SLC8A3: variants seen among roughly 807,000 people sequenced by gnomAD.
The protein encoded by SLC8A3 is solute carrier family 8 member A3.
In SLC8A3, 37 loss-of-function variants were observed where a neutral mutation model predicts 65.4. The observed-to-expected ratio is 0.57, with a 90% CI of 0.44 to 0.74. The LOEUF is 0.74. SLC8A3 is among the 30% of genes least tolerant of loss of function. The pLI is 0.00. For synonymous variants in SLC8A3, 461 were observed against 444.5 expected, an observed-to-expected ratio of 1.04 and a Z score of -0.47; for missense variants, 1,112 against 1,172.1, an observed-to-expected ratio of 0.95 and a Z score of 0.75.
At chr14:70,097,283 C>T (rs1892244702) in intron 2 of SLC8A3, among the ~76,000 whole-genome samples, 1 of 48,494 alleles carries the variant, frequency 2.1e-5, no homozygotes, top group African/African-American at 4.8e-5. Context: ...AAGCATTTTC[C>T]TTTAAAAAAA....
intron 2 of SLC8A3, among the ~76,000 whole-genome samples, chr14:70,090,575 T>C (rs1382089406): frequency 1.3e-5 from 2 of 152,220 alleles, no homozygotes; most frequent in East Asian, 1.9e-4. Flanking sequence ...TTCATGAATC[T>C]AATCATATTC....
At chr14:70,126,570 T>TCTCTCTCTCTCA (rs1385909771) in intron 2 of SLC8A3, among the ~76,000 whole-genome samples, 85 of 117,104 alleles carry the variant, frequency 7.3e-4, no homozygotes, top group South Asian at 2.1e-3. Flanking sequence ...TCTCTCTCTC[T>TCTCTCTCTCTCA]CACACACACA....
intron 2 of SLC8A3, among the ~76,000 whole-genome samples, chr14:70,065,891 C>T (rs1308195791): frequency 2.6e-5 from 4 of 152,086 alleles, no homozygotes; most frequent in African/African-American, 7.2e-5. Context: ...TATGATAAAT[C>T]CTAAATGGGC....
intron 2 of SLC8A3, among the ~76,000 whole-genome samples, chr14:70,082,284 TG>T (rs139954415): frequency 6.6e-6 from 1 of 152,088 alleles, no homozygotes; most frequent in Non-Finnish European, 1.5e-5. Flanking sequence ...AATAATTTCT[TG>T]GGGGGGTGAC....
chr14:70,053,553 C>G (rs906139188), intron 3 of SLC8A3, among the ~76,000 whole-genome samples: 3 of 152,222 alleles, frequency 2.0e-5, no homozygotes, highest in Non-Finnish European at 4.4e-5. Context: ...TCCCCCATGT[C>G]ATACTTTACA....
At chr14:70,187,626 TG>T (rs1566843441) in intron 1 of SLC8A3, among the ~76,000 whole-genome samples, 10 of 131,982 alleles carry the variant, frequency 7.6e-5, no homozygotes, top group African/African-American at 1.3e-4. Context: ...TGTGTGTGTG[TG>T]TGTGTGTGTG....
chr14:70,095,483 G>C (rs1016138260), intron 2 of SLC8A3, among the ~76,000 whole-genome samples: 4 of 152,218 alleles, frequency 2.6e-5, no homozygotes, highest in Non-Finnish European at 5.9e-5. Context: ...TTGAGCTGTT[G>C]AATTGTCACT....
At chr14:70,078,248 TG>T (rs1331029536) in intron 2 of SLC8A3, among the ~76,000 whole-genome samples, 6 of 152,238 alleles carry the variant, frequency 3.9e-5, no homozygotes, top group African/African-American at 1.2e-4. Flanking sequence ...TACATCTGCC[TG>T]GAGGGCCTTT....
At chr14:70,080,274 G>T in intron 2 of SLC8A3, 1 of 982,204 alleles carries the variant, frequency 1.0e-6, no homozygotes, top group Non-Finnish European at 1.2e-6. Flanking sequence ...TGATGGTGGG[G>T]AGGGGAGGGG....
chr14:70,122,625 T>C (rs1382569473), intron 2 of SLC8A3, among the ~76,000 whole-genome samples: 1 of 152,222 alleles, frequency 6.6e-6, no homozygotes, highest in Non-Finnish European at 1.5e-5. Flanking sequence ...GCCAAGGGCC[T>C]GGACCATAAC....
At chr14:70,067,207 T>A (rs1321922216) in intron 2 of SLC8A3, among the ~76,000 whole-genome samples, 5 of 152,170 alleles carry the variant, frequency 3.3e-5, no homozygotes, top group African/African-American at 1.2e-4. Flanking sequence ...GGTCTGTGCT[T>A]ATCCTGATCG....
chr14:70,068,188 G>A (rs2139888134), intron 2 of SLC8A3, among the ~76,000 whole-genome samples: 1 of 152,286 alleles, frequency 6.6e-6, no homozygotes, highest in East Asian at 1.9e-4. Context: ...GCTGCAAAGG[G>A]GAAGGGTTCT....
At chr14:70,064,827 C>A (rs1007096629) in intron 2 of SLC8A3, among the ~76,000 whole-genome samples, 7 of 152,128 alleles carry the variant, frequency 4.6e-5, no homozygotes, top group African/African-American at 1.7e-4. Flanking sequence ...TTTTAGTCAC[C>A]CTGTTCTGCA....
intron 2 of SLC8A3, among the ~76,000 whole-genome samples, chr14:70,164,900 TGGATA>T (rs1566823487): frequency 1.3e-5 from 2 of 152,240 alleles, no homozygotes; most frequent in African/African-American, 4.8e-5. Flanking sequence ...TACATATAAA[TGGATA>T]GTATTCTCCA....
chr14:70,060,665 C>T, intron 3 of SLC8A3, 171 bp downstream of exon 3: 1 of 745,562 alleles, frequency 1.3e-6, no homozygotes. Context: ...AGCGAGAATA[C>T]AGGAGGGAAA....
At chr14:70,132,386 A>G (rs1894897958) in intron 2 of SLC8A3, among the ~76,000 whole-genome samples, 1 of 152,200 alleles carries the variant, frequency 6.6e-6, no homozygotes, top group Admixed American at 6.5e-5. Flanking sequence ...TAGTGCTTTT[A>G]AAAAAGTTGT....
chr14:70,120,493 C>T (rs908383358), intron 2 of SLC8A3, among the ~76,000 whole-genome samples: 3 of 152,154 alleles, frequency 2.0e-5, no homozygotes, highest in Admixed American at 2.0e-4. Context: ...TGTGTCCTCC[C>T]TAGGGGCTCA....
chr14:70,049,536 CG>C (rs1887223387), intron 5 of SLC8A3, among the ~76,000 whole-genome samples: 2 of 151,690 alleles, frequency 1.3e-5, no homozygotes, highest in African/African-American at 4.8e-5. Context: ...ATGTAGATGA[CG>C]GGTTGATGGG....
chr14:70,065,690 A>C (rs1038418111), intron 2 of SLC8A3, among the ~76,000 whole-genome samples: 1 of 152,228 alleles, frequency 6.6e-6, no homozygotes, highest in African/African-American at 2.4e-5. Flanking sequence ...AAGTTTCATA[A>C]ATAGCAACCA....
Sources: allele counts gnomAD v4.1 joint callset (sites outside exome capture counted in the v4.1 genomes callset), GRCh38; gene constraint gnomAD v4.1.1; transcripts MANE v1.5; gene names NCBI Gene and HGNC (gene_info 2026-07-23, HGNC 2026-07-21).